The following HCRTR2 variants were observed in gnomAD, a reference collection of about 807,000 sequenced individuals.
HCRTR2 encodes the protein orexin receptor type 2.
A neutral mutation model predicts 49.0 loss-of-function variants in HCRTR2; 22 were observed. The observed-to-expected ratio is 0.45, with a 90% CI of 0.32 to 0.64. The LOEUF (loss-of-function observed/expected upper bound fraction) is 0.64, where lower values mean the gene tolerates loss of function less well. Among genes scored for constraint, HCRTR2 ranks in the 30% least tolerant of loss-of-function variants. The pLI is 0.04. For missense variants in HCRTR2, 491 were observed against 559.4 expected, an observed-to-expected ratio of 0.88 and a Z score of 1.23; for synonymous variants, 236 against 205.3, an observed-to-expected ratio of 1.15 and a Z score of -1.28.
At chr6:55,249,913 G>T (rs1321840995) in intron 2 of HCRTR2, among the ~76,000 whole-genome samples, 2 of 151,982 alleles carry the variant, frequency 1.3e-5, no homozygotes, top group African/African-American at 4.8e-5. Flanking sequence ...CCCAGATGGT[G>T]CCTATAATAT....
At chr6:55,237,721 A>C (rs1766240855) in intron 1 of HCRTR2, among the ~76,000 whole-genome samples, 1 of 152,184 alleles carries the variant, frequency 6.6e-6, no homozygotes, top group African/African-American at 2.4e-5. Flanking sequence ...AATGTGTAAC[A>C]CTTCTGGTTG....
At chr6:55,182,607 T>C (rs1765151692) in intron 1 of HCRTR2, among the ~76,000 whole-genome samples, 1 of 152,216 alleles carries the variant, frequency 6.6e-6, no homozygotes, top group Admixed American at 6.5e-5. Context: ...CCAGCTTCAG[T>C]GCAACTTAGT....
chr6:55,202,600 G>T (rs1399857689), intron 1 of HCRTR2, among the ~76,000 whole-genome samples: 2 of 152,120 alleles, frequency 1.3e-5, no homozygotes, highest in Non-Finnish European at 2.9e-5. Flanking sequence ...AACATCTGTT[G>T]TCTCATATGT....
At chr6:55,139,601 G>C (rs962442551) in intron 1 of HCRTR2, among the ~76,000 whole-genome samples, 6 of 152,098 alleles carry the variant, frequency 3.9e-5, no homozygotes, top group Admixed American at 3.9e-4. Context: ...TGATAGTTAT[G>C]CTCCCTTCCA....
chr6:55,174,376 T>C, upstream of HCRTR2: 1 of 593,752 alleles, frequency 1.7e-6, no homozygotes, highest in Non-Finnish European at 3.0e-6. Flanking sequence ...ATCTTCCCGG[T>C]GCAACATCGC....
chr6:55,132,079 AT>A (rs1764366128), intron 1 of HCRTR2, among the ~76,000 whole-genome samples: 1 of 151,860 alleles, frequency 6.6e-6, no homozygotes, highest in African/African-American at 2.4e-5. Context: ...ATATATAGAT[AT>A]CCCTTTAATT....
chr6:55,269,804 C>T (rs1013624), intron 4 of HCRTR2, among the ~76,000 whole-genome samples: 14,447 of 151,938 alleles, frequency 0.095, 1,656 homozygotes, highest in East Asian at 0.49. Context: ...ACTAAAAACA[C>T]AAAAATGAGC....
intron 1 of HCRTR2, among the ~76,000 whole-genome samples, chr6:55,218,150 A>T (rs1308856438): frequency 6.6e-6 from 1 of 152,184 alleles, no homozygotes; most frequent in Non-Finnish European, 1.5e-5. Context: ...TAAGCCATTA[A>T]TCTGTGAATC....
intron 1 of HCRTR2, among the ~76,000 whole-genome samples, chr6:55,204,020 T>A (rs558304764): frequency 6.6e-6 from 1 of 152,314 alleles, no homozygotes; most frequent in East Asian, 1.9e-4. Context: ...CTTATATTGA[T>A]CTTACCCTTC....
At chr6:55,281,122 C>T (rs536521546) in intron 6 of HCRTR2, among the ~76,000 whole-genome samples, 3 of 152,210 alleles carry the variant, frequency 2.0e-5, no homozygotes, top group African/African-American at 4.8e-5. Context: ...TAATCTCCAA[C>T]TCATTGGCGA....
intron 1 of HCRTR2, among the ~76,000 whole-genome samples, chr6:55,114,636 G>C (rs1210846390): frequency 6.6e-6 from 1 of 151,812 alleles, no homozygotes; most frequent in African/African-American, 2.4e-5. Flanking sequence ...AATGCTGCTA[G>C]TTTTGCTGTC....
At chr6:55,274,472 T>C (rs2127329337) in intron 4 of HCRTR2, among the ~76,000 whole-genome samples, 1 of 151,838 alleles carries the variant, frequency 6.6e-6, no homozygotes, top group Middle Eastern at 3.4e-3. Flanking sequence ...ACCTGCTCCT[T>C]GCTAAATTCT....
intron 1 of HCRTR2, among the ~76,000 whole-genome samples, chr6:55,153,547 A>T (rs1764690061): frequency 6.6e-6 from 1 of 152,000 alleles, no homozygotes; most frequent in African/African-American, 2.4e-5. Context: ...GTCATTGATG[A>T]AAACATCATT....
At chr6:55,279,493 T>C (rs995043976) in intron 5 of HCRTR2, among the ~76,000 whole-genome samples, 6 of 147,998 alleles carry the variant, frequency 4.1e-5, no homozygotes, top group Non-Finnish European at 7.5e-5. Flanking sequence ...ATACCAGAAA[T>C]GCATTGTTGT....
Position 55,255,223 on chromosome 6 carries a change from A to G in HCRTR2, c.490A>G (p.Ser164Gly). ...YAICHPLMFKSTAKRARNSIV... is the reference protein window; with the variant it reads ...YAICHPLMFKGTAKRARNSIV... ...AATCTGTCACCCTTTGATGTTTAAG[A>G]GCACAGCAAAGCGGGCCCGTAACAG... Residue 164 changes from serine to glycine, a missense_variant, in exon 3 of 7, where the codon AGC becomes GGC. Coordinates refer to ENST00000370862, the MANE Select transcript of HCRTR2 (RefSeq NM_001384272.1). 6.2e-7 allele frequency: 1 copy of G among 1,613,990 alleles called. No individual in the cohort carries two copies. Among genetic ancestry groups the G allele is most frequent in the Non-Finnish European group, 8.5e-7 (1 of 1,179,958 alleles).
chr6:55,208,164 G>A (rs1200204534), intron 1 of HCRTR2, among the ~76,000 whole-genome samples: 1 of 151,908 alleles, frequency 6.6e-6, no homozygotes, highest in Non-Finnish European at 1.5e-5. Context: ...AATTGTATCT[G>A]TAAACCTCCA....
chr6:55,188,888 G>C (rs1403455282), intron 1 of HCRTR2, among the ~76,000 whole-genome samples: 3 of 152,164 alleles, frequency 2.0e-5, no homozygotes, highest in Non-Finnish European at 2.9e-5. Flanking sequence ...AGTTATTGTT[G>C]ACATGTGAAT....
At chr6:55,170,376 G>A (rs560523219), upstream of HCRTR2, among the ~76,000 whole-genome samples, 7 of 150,072 alleles carry the variant, frequency 4.7e-5, no homozygotes, top group African/African-American at 1.2e-4. Flanking sequence ...TTTGTTACAC[G>A]CATAGAATGT....
At chr6:55,230,987 G>A (rs1766104309) in intron 1 of HCRTR2, among the ~76,000 whole-genome samples, 1 of 152,180 alleles carries the variant, frequency 6.6e-6, no homozygotes, top group South Asian at 2.1e-4. Context: ...AGCCAAGTTA[G>A]TTGGTACTTC....
Sources: gnomAD v4.1 joint callset for allele counts (sites outside exome capture counted in the v4.1 genomes callset) on GRCh38, gnomAD v4.1.1 for gene constraint, MANE v1.5 for transcripts, NCBI Gene and HGNC (gene_info 2026-07-23, HGNC 2026-07-21) for gene names.